The following PTGER4 variants were observed in gnomAD, a reference collection of about 807,000 sequenced individuals.
PTGER4 encodes prostaglandin E2 receptor EP4 subtype.
A neutral mutation model predicts 33.2 loss-of-function variants in PTGER4; 11 were observed. The observed-to-expected ratio is 0.33, with a 90% CI of 0.21 to 0.55. PTGER4 has a LOEUF of 0.55. PTGER4 is among the 20% of genes least tolerant of loss of function. The pLI, the probability that PTGER4 is intolerant of heterozygous loss-of-function variation, is 0.92. For missense variants in PTGER4, 481 were observed against 650.2 expected (o/e 0.74, Z 2.83); for synonymous variants, 275 against 281.5 (o/e 0.98, Z 0.23).
At position 40,681,087 on chromosome 5, in the gene PTGER4, G is replaced by C; in HGVS notation, c.94G>C (p.Val32Leu). 1 of 1,614,110 alleles carries C rather than the reference G, an allele frequency of 6.2e-7. No individual in the cohort carries two copies. The highest frequency in any genetic ancestry group is 1.1e-5 in the South Asian group (1 of 91,078). Reference protein sequence around the residue: ...TIPAVMFIFGVVGNLVAIVVL... With the variant: ...TIPAVMFIFGLVGNLVAIVVL... ...CCCGGCGGTGATGTTCATCTTCGGG[G>C]TGGTGGGCAACCTGGTGGCCATCGT... is the stretch of plus-strand genomic sequence containing the variant. The change falls in exon 2 of 3, where the codon GTG becomes CTG. Residue 32 changes from valine to leucine, a missense_variant. Around this residue, in one of 7 missense-constraint regions of PTGER4, gnomAD observed 61 missense variants for 145.2 expected, o/e 0.42. Coordinates refer to ENST00000302472, the MANE Select transcript of PTGER4 (RefSeq NM_000958.3). The surrounding 1 kb of genome is among the most constrained non-coding windows in gnomAD (Gnocchi z 9.8).
At chr5:40,687,670 A>G (rs1228887684) in intron 2 of PTGER4, among the ~76,000 whole-genome samples, 2 of 152,204 alleles carry the variant, frequency 1.3e-5, no homozygotes, top group East Asian at 1.9e-4. Flanking sequence ...GTAAGTCTCA[A>G]TTGAAATACG....
At position 40,683,921 on chromosome 5, in the gene PTGER4, A is replaced by C. The variant is rs1010845432; in HGVS notation, c.867+2061A>C. Among the ~76,000 whole-genome samples, 1 of 152,212 alleles carries C rather than the reference A, an allele frequency of 6.6e-6. No individual in the cohort carries two copies. Among genetic ancestry groups the C allele is most frequent in the African/African-American group, 2.4e-5 (1 of 41,452 alleles). On this transcript the variant is annotated intron_variant, in intron 2 of 2. Transcript: ENST00000302472. The surrounding 1 kb of genome is among the most constrained non-coding windows in gnomAD (Gnocchi z 4.2). ...AGTAACGTGTAGTAAATTTTAAGTA[A>C]TCTTGACCTGAAAATTGAAACTAGC...
the PTGER4 span, among the ~76,000 whole-genome samples, chr5:40,740,772 C>T: frequency 6.6e-6 from 1 of 152,226 alleles, no homozygotes; most frequent in Non-Finnish European, 1.5e-5. Context: ...CCCAGATTTA[C>T]TCAGTTCCCA....
chr5:40,730,155 T>C, the PTGER4 span: 12 of 824,966 alleles, frequency 1.5e-5, no homozygotes, highest in Non-Finnish European at 2.3e-5. Flanking sequence ...GAAACCGTAT[T>C]TGTAAAAGAA....
At chr5:40,731,778 T>C in the PTGER4 span, among the ~76,000 whole-genome samples, 1 of 152,172 alleles carries the variant, frequency 6.6e-6, no homozygotes, top group African/African-American at 2.4e-5. Flanking sequence ...CTCCTCTTCA[T>C]CTATTCAAAG....
chr5:40,742,296 C>A, the PTGER4 span, among the ~76,000 whole-genome samples: 1 of 151,916 alleles, frequency 6.6e-6, no homozygotes, highest in Admixed American at 6.6e-5. Flanking sequence ...CAATCAAGGA[C>A]ACAGAATAAT....
the PTGER4 span, among the ~76,000 whole-genome samples, chr5:40,733,528 T>C: frequency 6.6e-6 from 1 of 152,200 alleles, no homozygotes; most frequent in Non-Finnish European, 1.5e-5. Context: ...GCTTATCATA[T>C]TTGTCAAATT....
chr5:40,738,605 A>AAAATAAAATT, the PTGER4 span, among the ~76,000 whole-genome samples: 5 of 150,798 alleles, frequency 3.3e-5, no homozygotes, highest in South Asian at 2.1e-4. Flanking sequence ...AAAATAAAAT[A>AAAATAAAATT]AAAAAGTGAA....
At chr5:40,699,117 G>A in the PTGER4 span, among the ~76,000 whole-genome samples, 1 of 151,616 alleles carries the variant, frequency 6.6e-6, no homozygotes, top group Non-Finnish European at 1.5e-5. Flanking sequence ...ATGACATCAG[G>A]TACAATGCCA....
downstream of PTGER4, among the ~76,000 whole-genome samples, chr5:40,697,226 A>AAAAGAAAGAAAGAAAG (rs70988803): frequency 6.5e-3 from 732 of 112,576 alleles, 12 homozygotes; most frequent in East Asian, 0.012. Flanking sequence ...AAGAAAGAAG[A>AAAAGAAAGAAAGAAAG]AAAGAAAGAA....
chr5:40,718,060 C>T, the PTGER4 span, among the ~76,000 whole-genome samples: 1 of 148,424 alleles, frequency 6.7e-6, no homozygotes, highest in Non-Finnish European at 1.5e-5. Context: ...GAAACTCCGT[C>T]TCAAAAAAAA....
the PTGER4 span, among the ~76,000 whole-genome samples, chr5:40,708,125 G>C: frequency 1.3e-5 from 2 of 152,140 alleles, no homozygotes; most frequent in Non-Finnish European, 2.9e-5. Flanking sequence ...AAAAGAACTA[G>C]AGAAGCAAGA....
In PTGER4 at chr5:40,681,730, C is replaced by T. The variant is rs938020547; in HGVS notation, c.737C>T (p.Pro246Leu). Residue 246 changes from proline (P) to leucine (L), a missense_variant, in exon 2 of 3, where the codon CCA becomes CTA. Physicochemically the swap from Pro to Leu is moderately conservative, Grantham distance 98 (BLOSUM62 -3). Transcript: ENST00000302472. This position sits in a 1 kb window ranked among gnomAD's most constrained non-coding sequence, Gnocchi z 9.8. ...TCCCGGGGCCACCCCGCTGCCTCCC[C>T]AGCCTTGCCGCGCCTCAGCGACTTT... ...VASRGHPAAS[P>L]ALPRLSDFRR... The T allele has an allele frequency of 5.6e-6, 9 of 1,597,744 alleles. No homozygotes were observed. The highest frequency in any genetic ancestry group is 5.1e-5 in the Admixed American group (3 of 59,202).
downstream of PTGER4, among the ~76,000 whole-genome samples, chr5:40,694,280 G>C (rs1346162612): frequency 2.6e-5 from 4 of 152,122 alleles, no homozygotes; most frequent in African/African-American, 9.7e-5. Flanking sequence ...CAAACTCCTG[G>C]CTTCAAGCAG....
the PTGER4 span, among the ~76,000 whole-genome samples, chr5:40,699,333 A>G: frequency 2.6e-5 from 4 of 151,446 alleles, no homozygotes; most frequent in Non-Finnish European, 4.4e-5. Flanking sequence ...TAATATTTAC[A>G]CAATAGCTAT....
At chr5:40,700,294 C>T in the PTGER4 span, among the ~76,000 whole-genome samples, 1 of 152,220 alleles carries the variant, frequency 6.6e-6, no homozygotes, top group Non-Finnish European at 1.5e-5. Context: ...CCTCCAGCCA[C>T]CCCCGACCCA....
chr5:40,715,086 A>G, the PTGER4 span: 1 of 152,010 alleles, frequency 6.6e-6, no homozygotes, highest in Non-Finnish European at 1.5e-5. Flanking sequence ...TCCAATTTCT[A>G]TGTATTTTGT....
the PTGER4 span, among the ~76,000 whole-genome samples, chr5:40,737,776 A>AT: frequency 6.6e-6 from 1 of 152,106 alleles, no homozygotes; most frequent in Non-Finnish European, 1.5e-5. Flanking sequence ...ACAACTACTG[A>AT]TTTTTTCTGT....
At position 40,681,447 on chromosome 5, in the gene PTGER4, G is replaced by T; in HGVS notation, c.454G>T (p.Ala152Ser). ...CTATGCGTCCAACGTGCTCTTTTGC[G>T]CGCTGCCCAACATGGGTCTCGGTAG... ...AVYASNVLFC[A>S]LPNMGLGSSR... The change falls in exon 2 of 3, where the codon GCG becomes TCG. Residue 152 changes from alanine (A) to serine (S), a missense_variant. Ala to Ser is a moderately conservative substitution (Grantham distance 99). This residue lies in a region of PTGER4 where 43 missense variants were observed against 39.4 expected (regional missense o/e 1.09). Transcript: ENST00000302472. The surrounding 1 kb of genome is among the most constrained non-coding windows in gnomAD (Gnocchi z 9.8). 1 of 1,613,792 alleles carries T rather than the reference G, an allele frequency of 6.2e-7. No individual in the cohort carries two copies. Among genetic ancestry groups the T allele is most frequent in the South Asian group, 1.1e-5 (1 of 91,074 alleles).
Sources: gnomAD v4.1 joint callset for allele counts (sites outside exome capture counted in the v4.1 genomes callset) on GRCh38, gnomAD v4.1.1 for gene constraint, gnomAD v4.1.1 regional missense constraint, Gnocchi (gnomAD v3.1) non-coding constraint, MANE v1.5 for transcripts, NCBI Gene and HGNC (gene_info 2026-07-23, HGNC 2026-07-21) for gene names.